The following ZSWIM5 variants were observed in gnomAD, a reference collection of about 807,000 sequenced individuals.
ZSWIM5 encodes zinc finger SWIM domain-containing protein 5.
In ZSWIM5, 55 loss-of-function variants were observed where a neutral mutation model predicts 119.6. That is an observed-to-expected ratio of 0.46 (90% CI 0.37 to 0.58). The LOEUF (loss-of-function observed/expected upper bound fraction) is 0.58. ZSWIM5 is among the 20% of genes least tolerant of loss of function. ZSWIM5 has a pLI of 0.00. For synonymous variants in ZSWIM5, 537 were observed against 606.9 expected (o/e 0.88, Z 1.69); for missense variants, 1,193 against 1,512.8 (o/e 0.79, Z 3.51).
chr1:45,135,141 G>C (rs1165133662), intron 1 of ZSWIM5, among the ~76,000 whole-genome samples: 1 of 148,972 alleles, frequency 6.7e-6, no homozygotes, highest in Non-Finnish European at 1.5e-5. Flanking sequence ...TTTTTTTTGA[G>C]GAACCTTCAT....
intron 1 of ZSWIM5, among the ~76,000 whole-genome samples, chr1:45,164,349 C>G (rs1010906231): frequency 2.0e-5 from 3 of 152,088 alleles, no homozygotes; most frequent in Non-Finnish European, 4.4e-5. Context: ...ACAACCGGTA[C>G]CAGCCACTGC....
At chr1:45,098,686 A>G (rs1645419172) in intron 1 of ZSWIM5, among the ~76,000 whole-genome samples, 1 of 152,222 alleles carries the variant, frequency 6.6e-6, no homozygotes, top group African/African-American at 2.4e-5. Context: ...AACAGAAATC[A>G]CAACAAACTG....
rs1645232884 is a variant in ZSWIM5 at position 45,072,991 on chromosome 1, C to T, written c.953-12744G>A. Among the ~76,000 whole-genome samples, 1 of 151,902 alleles carries T rather than the reference C, an allele frequency of 6.6e-6. No homozygotes were observed. Among genetic ancestry groups the T allele is most frequent in the Admixed American group, 6.5e-5 (1 of 15,272 alleles). ...GTCATTGGTATTTTGATAGGGATTA[C>T]ATTGAATCTGTAGATTGAGTAGTAT... On this transcript the variant is annotated intron_variant, in intron 2 of 13. Transcript: ENST00000359600. This position sits in a 1 kb window ranked among gnomAD's most constrained non-coding sequence, Gnocchi z 4.1.
At chr1:45,203,422 T>C (rs1646169545) in intron 1 of ZSWIM5, among the ~76,000 whole-genome samples, 1 of 152,074 alleles carries the variant, frequency 6.6e-6, no homozygotes, top group Non-Finnish European at 1.5e-5. Context: ...AAAAAGATGT[T>C]GTCACAGAAA....
chr1:45,146,433 T>C lies in ZSWIM5; in HGVS notation c.596-58196A>G, dbSNP rs1331821785. On this transcript the variant is annotated intron_variant, in intron 1 of 13. Coordinates refer to ENST00000359600, the MANE Select transcript of ZSWIM5 (RefSeq NM_020883.2). ...AAATACAAGTATCTGTTTCTAGACT[T>C]TTTTTTTTTTTTTTTTTTTTTTTTT... is the stretch of plus-strand genomic sequence containing the variant. Among the ~76,000 whole-genome samples the C allele has an allele frequency of 3.7e-4, 35 of 95,328 alleles. No individual in the cohort carries two copies. In the East Asian group the frequency reaches 7.7e-3, roughly 21 times the overall value. 62.5% of individuals were successfully genotyped at this position (95,328 alleles called of 152,430 possible).
chr1:45,147,953 T>C (rs1645772548), intron 1 of ZSWIM5, among the ~76,000 whole-genome samples: 1 of 151,654 alleles, frequency 6.6e-6, no homozygotes, highest in Non-Finnish European at 1.5e-5. Flanking sequence ...AAATCCAGAG[T>C]TTAAATAGAC....
intron 1 of ZSWIM5, among the ~76,000 whole-genome samples, chr1:45,179,189 A>G (rs1207856444): frequency 6.6e-6 from 1 of 152,176 alleles, no homozygotes; most frequent in East Asian, 1.9e-4. Flanking sequence ...GCAAAAACAT[A>G]GAATCAGCTC....
At chr1:45,118,720 T>C (rs1645573363) in intron 1 of ZSWIM5, among the ~76,000 whole-genome samples, 1 of 135,768 alleles carries the variant, frequency 7.4e-6, no homozygotes, top group African/African-American at 2.8e-5. Context: ...CCAGCCTGGG[T>C]GACAGAGAAC....
chr1:45,140,343 A>C (rs61788436), intron 1 of ZSWIM5, among the ~76,000 whole-genome samples: 11,011 of 152,312 alleles, frequency 0.072, 491 homozygotes, highest in Non-Finnish European at 0.1. Flanking sequence ...GTGATCTACA[A>C]AACCTAAAAT....
At chr1:45,166,879 G>A (rs1406005408) in intron 1 of ZSWIM5, among the ~76,000 whole-genome samples, 1 of 152,070 alleles carries the variant, frequency 6.6e-6, no homozygotes, top group Non-Finnish European at 1.5e-5. Context: ...TAAATATTGT[G>A]AAAATGGCCA....
At chr1:45,187,212 G>GC (rs1323907358) in intron 1 of ZSWIM5, among the ~76,000 whole-genome samples, 1 of 152,014 alleles carries the variant, frequency 6.6e-6, no homozygotes. Flanking sequence ...ACTTACTAGA[G>GC]CAAGAGTAAT....
At chr1:45,040,604 CAA>C in intron 6 of ZSWIM5, 66 bp from the exon 7 acceptor site, 2 of 1,449,302 alleles carry the variant, frequency 1.4e-6, no homozygotes, top group East Asian at 2.4e-5. Flanking sequence ...TTATACCTGA[CAA>C]AGAGAGTTTG....
chr1:45,043,690 T>C (rs1225612700), intron 5 of ZSWIM5, among the ~76,000 whole-genome samples: 1 of 152,124 alleles, frequency 6.6e-6, no homozygotes, highest in African/African-American at 2.4e-5. Flanking sequence ...AGAAGACTAA[T>C]TTCTCCTGAG....
At chr1:45,147,778 C>T (rs1481972838) in intron 1 of ZSWIM5, among the ~76,000 whole-genome samples, 1 of 151,976 alleles carries the variant, frequency 6.6e-6, no homozygotes, top group African/African-American at 2.4e-5. Context: ...CCACAAAAGC[C>T]CTTAGGCCTC....
Position 45,072,278 on chromosome 1 carries a change from A to AT in ZSWIM5, c.953-12032dup, listed in dbSNP as rs573650170. Among the ~76,000 whole-genome samples, 1 of 151,652 alleles carries AT rather than the reference A, an allele frequency of 6.6e-6. No homozygotes were observed. Among genetic ancestry groups the AT allele is most frequent in the South Asian group, 2.1e-4 (1 of 4,818 alleles). On this transcript the variant is annotated intron_variant, in intron 2 of 13. Coordinates refer to ENST00000359600, the MANE Select transcript of ZSWIM5 (RefSeq NM_020883.2). The surrounding 1 kb of genome is among the most constrained non-coding windows in gnomAD (Gnocchi z 4.1). ...GCCCATTTTAACATCAGATTATTAG[A>AT]TTTTTTCCTATTGAATTAAGCTCCT...
chr1:45,037,658 G>T (rs1323504328), intron 8 of ZSWIM5, among the ~76,000 whole-genome samples: 1 of 152,220 alleles, frequency 6.6e-6, no homozygotes, highest in Non-Finnish European at 1.5e-5. Flanking sequence ...AGATGAAACA[G>T]ACCAAAGATG....
chr1:45,073,299 C>T (rs1398724926), intron 2 of ZSWIM5, among the ~76,000 whole-genome samples: 1 of 120,630 alleles, frequency 8.3e-6, no homozygotes, highest in African/African-American at 3.3e-5. Context: ...CTGTTGTTGC[C>T]CTGGCTGGAG....
chr1:45,074,014 G>T (rs1197907614), intron 2 of ZSWIM5, among the ~76,000 whole-genome samples: 2 of 151,828 alleles, frequency 1.3e-5, no homozygotes, highest in Non-Finnish European at 2.9e-5. Flanking sequence ...CCTTTATTCT[G>T]CTGATATGAT....
At chr1:45,044,919 T>C (rs113391144) in intron 5 of ZSWIM5, among the ~76,000 whole-genome samples, 18 of 137,676 alleles carry the variant, frequency 1.3e-4, no homozygotes, top group African/African-American at 4.9e-4. Flanking sequence ...GAGGATCACT[T>C]GAGCCCAGGA....
Sources: allele counts gnomAD v4.1 joint callset (sites outside exome capture counted in the v4.1 genomes callset), GRCh38; gene constraint gnomAD v4.1.1; non-coding constraint Gnocchi (gnomAD v3.1); transcripts MANE v1.5; gene names NCBI Gene and HGNC (gene_info 2026-07-23, HGNC 2026-07-21).